The following CCAR1 variants were observed in gnomAD, a reference collection of about 807,000 sequenced individuals.
CCAR1 encodes the protein cell division cycle and apoptosis regulator 1.
CCAR1 carries 78 observed loss-of-function variants against 163.8 expected under a neutral mutation model. The observed-to-expected ratio is 0.48, with a 90% CI of 0.40 to 0.57. The LOEUF (loss-of-function observed/expected upper bound fraction) is 0.57. Among genes scored for constraint, CCAR1 ranks in the 20% least tolerant of loss-of-function variants. The pLI, the probability that CCAR1 is intolerant of heterozygous loss-of-function variation, is 0.00. For missense variants in CCAR1, 1,019 were observed against 1,365.2 expected (o/e 0.75, Z 4.00); for synonymous variants, 443 against 460.7 (o/e 0.96, Z 0.49).
chr10:68,778,543 C>T (rs890422568), intron 19 of CCAR1, among the ~76,000 whole-genome samples: 12 of 135,748 alleles, frequency 8.8e-5, no homozygotes, highest in Admixed American at 5.9e-4. Context: ...TTTTTTTTTT[C>T]CATAGAATTT....
intron 17 of CCAR1, among the ~76,000 whole-genome samples, chr10:68,766,633 TCTC>T (rs2056539365): frequency 6.6e-6 from 1 of 151,506 alleles, no homozygotes; most frequent in Non-Finnish European, 1.5e-5. Flanking sequence ...TTCAAGCAGT[TCTC>T]CTGCCTCAGC....
intron 16 of CCAR1, 48 bp downstream of exon 16, chr10:68,761,240 A>G (rs772434301): frequency 6.5e-6 from 7 of 1,072,598 alleles, no homozygotes; most frequent in Non-Finnish European, 2.5e-6. Flanking sequence ...ATATTCATGT[A>G]TAGGGTGTTC....
intron 4 of CCAR1, 35 bp from the exon 5 acceptor site, chr10:68,740,594 C>T (rs974976150): frequency 3.2e-6 from 5 of 1,587,014 alleles, no homozygotes; most frequent in Admixed American, 3.4e-5. Context: ...TTCTGATTGA[C>T]CCTTTTCTGT....
At chr10:68,750,012 A>C (rs1402634977) in intron 10 of CCAR1, among the ~76,000 whole-genome samples, 1 of 152,156 alleles carries the variant, frequency 6.6e-6, no homozygotes, top group African/African-American at 2.4e-5. Context: ...GTGTATGATA[A>C]AGCAATAATA....
chr10:68,727,119 G>A (rs1232651095), intron 2 of CCAR1, among the ~76,000 whole-genome samples: 1 of 141,414 alleles, frequency 7.1e-6, no homozygotes, highest in Non-Finnish European at 1.5e-5. Context: ...CCAGGCTGGA[G>A]TGCAGTGGCA....
At chr10:68,731,003 T>C (rs1338284384) in intron 2 of CCAR1, among the ~76,000 whole-genome samples, 1 of 152,200 alleles carries the variant, frequency 6.6e-6, no homozygotes, top group Admixed American at 6.5e-5. Flanking sequence ...TAAATTTTAT[T>C]TAGTAGATAG....
At chr10:68,726,867 G>A (rs1378820994) in intron 2 of CCAR1, among the ~76,000 whole-genome samples, 4 of 151,432 alleles carry the variant, frequency 2.6e-5, no homozygotes, top group African/African-American at 9.7e-5. Context: ...ATAGTGGTGT[G>A]CATCTGTAAT....
At chr10:68,784,092 G>GT (rs1232444632) in intron 19 of CCAR1, among the ~76,000 whole-genome samples, 1 of 152,060 alleles carries the variant, frequency 6.6e-6, no homozygotes, top group African/African-American at 2.4e-5. Flanking sequence ...CAAAGACAGT[G>GT]TTTTTTTGAG....
At chr10:68,764,814 T>C (rs1329102196) in intron 16 of CCAR1, among the ~76,000 whole-genome samples, 1 of 152,210 alleles carries the variant, frequency 6.6e-6, no homozygotes, top group Non-Finnish European at 1.5e-5. Flanking sequence ...TAGCACACTT[T>C]AAAAATAGTA....
Position 68,761,016 on chromosome 10 carries a change from C to T in CCAR1, c.1930C>T (p.Leu644Phe). The T allele has an allele frequency of 6.7e-7, 1 of 1,501,538 alleles. No individual in the cohort carries two copies. Among genetic ancestry groups the T allele is most frequent in the Non-Finnish European group, 8.9e-7 (1 of 1,122,744 alleles). 93.0% of individuals were successfully genotyped at this position (1,501,538 alleles called of 1,614,324 possible). ...TGCTCCATATATTCAGGTAAATGAC[C>T]TCCGAAAAGAATTAGAAAGTCGAGC... is the stretch of plus-strand genomic sequence containing the variant. The part of the protein sequence containing the change: ...LDPKTMKVND[L>F]RKELESRALS... The change falls in exon 16 of 25, where the codon CTC (leucine) becomes TTC (phenylalanine). Residue 644 changes from leucine (L) to phenylalanine (F), a missense_variant. Transcript: ENST00000265872.
At chr10:68,766,503 C>G (rs2056537466) in intron 17 of CCAR1, among the ~76,000 whole-genome samples, 1 of 150,972 alleles carries the variant, frequency 6.6e-6, no homozygotes, top group African/African-American at 2.4e-5. Context: ...ATGCCCGTAT[C>G]TCTGAAATCT....
chr10:68,780,620 A>G (rs2056724701), intron 19 of CCAR1, among the ~76,000 whole-genome samples: 1 of 152,216 alleles, frequency 6.6e-6, no homozygotes, highest in Non-Finnish European at 1.5e-5. Context: ...TGCGCCAAAG[A>G]TAGTGCCTTA....
Position 68,786,570 on chromosome 10 carries a change from A to G in CCAR1, c.2758A>G (p.Thr920Ala). Reference protein sequence around the residue: ...DKEKEKTQMITINRDLLMAFV... With the variant: ...DKEKEKTQMIAINRDLLMAFV... The stretch of plus-strand genomic sequence containing the variant: ...GGAAAAAGAAAAGACTCAAATGATC[A>G]CAATTAACAGAGATCTGTTAATGGC... Residue 920 changes from threonine to alanine, a missense_variant, in exon 21 of 25, where the codon ACA (threonine) becomes GCA (alanine). Around this residue, in one of 4 missense-constraint regions of CCAR1, gnomAD observed 358 missense variants for 406.4 expected, o/e 0.88. Coordinates refer to ENST00000265872, the MANE Select transcript of CCAR1 (RefSeq NM_018237.4). 1 of 1,565,412 alleles carries G rather than the reference A, an allele frequency of 6.4e-7. No individual in the cohort carries two copies. Among genetic ancestry groups the G allele is most frequent in the South Asian group, 1.2e-5 (1 of 83,214 alleles).
chr10:68,749,753 A>G, intron 10 of CCAR1, 68 bp downstream of exon 10: 1 of 1,359,340 alleles, frequency 7.4e-7, no homozygotes, highest in South Asian at 1.3e-5. Flanking sequence ...AATATGTCAC[A>G]GAGGTATTTT....
intron 17 of CCAR1, 103 bp downstream of exon 17, chr10:68,766,182 C>A: frequency 1.3e-6 from 1 of 783,668 alleles, no homozygotes; most frequent in Middle Eastern, 3.4e-4. Flanking sequence ...TTTCGCTTTT[C>A]GTGGTTTTTT....
chr10:68,738,416 G>A (rs1031573938), intron 4 of CCAR1, among the ~76,000 whole-genome samples: 6 of 151,890 alleles, frequency 4.0e-5, no homozygotes, highest in South Asian at 4.1e-4. Context: ...CAACAAGAGC[G>A]AAACTCTGTC....
At chr10:68,790,385 A>G (rs905087421) in intron 24 of CCAR1, among the ~76,000 whole-genome samples, 1 of 151,822 alleles carries the variant, frequency 6.6e-6, no homozygotes, top group Non-Finnish European at 1.5e-5. Context: ...TTCCCAAAAG[A>G]TGTTGTTTTT....
At position 68,769,552 on chromosome 10, in the gene CCAR1, G is replaced by A. The variant is rs747871324; in HGVS notation, c.2299-1654G>A. On this transcript the variant is annotated intron_variant, in intron 17 of 24. Transcript: ENST00000265872. ...GGAGAATTGCTTGAACCTGGGAGGC[G>A]GAGGTTGCGGTGAGCCAAGATAGTG... Among the ~76,000 whole-genome samples the A allele has an allele frequency of 9.2e-5, 14 of 151,946 alleles. 1 individual carries two copies. The highest frequency in any genetic ancestry group is 2.0e-4 in the Admixed American group (3 of 15,240).
intron 2 of CCAR1, among the ~76,000 whole-genome samples, chr10:68,731,591 GTTTTT>G (rs67032408): frequency 1.3e-5 from 1 of 75,624 alleles, no homozygotes; most frequent in African/African-American, 5.4e-5. Context: ...TCTTGTTTCT[GTTTTT>G]TTTTTTTTTT....
Sources: allele counts gnomAD v4.1 joint callset (sites outside exome capture counted in the v4.1 genomes callset), GRCh38; gene constraint gnomAD v4.1.1; regional missense constraint gnomAD v4.1.1; transcripts MANE v1.5; gene names NCBI Gene and HGNC (gene_info 2026-07-23, HGNC 2026-07-21).